Variants in ELOA observed in about 807,000 individuals in gnomAD.
ELOA encodes the protein elongin-A.
In ELOA, 15 loss-of-function variants were observed where a neutral mutation model predicts 85.2. The ratio of observed to expected loss-of-function variants is 0.18; its 90% CI spans 0.12 to 0.27. ELOA has a LOEUF of 0.27. ELOA is among the 10% of genes least tolerant of loss of function. The pLI, the probability that ELOA is intolerant of heterozygous loss-of-function variation, is 1.00. For synonymous variants in ELOA, 348 were observed against 357.2 expected, an observed-to-expected ratio of 0.97 and a Z score of 0.29; for missense variants, 769 against 952.7, an observed-to-expected ratio of 0.81 and a Z score of 2.54.
chr1:23,750,705 A>G, intron 3 of ELOA, 140 bp from the exon 4 acceptor site: 1 of 800,676 alleles, frequency 1.2e-6, no homozygotes, highest in South Asian at 2.8e-5. Flanking sequence ...ATCTTTAAGC[A>G]TAACCTACTT....
rs537544411 is a variant in ELOA at position 23,756,448 on chromosome 1, C to A, written c.2084+63C>A. 62 of 1,441,106 alleles carry A rather than the reference C, an allele frequency of 4.3e-5. No individual in the cohort carries two copies. The South Asian group carries it at 6.9e-4, about 16-fold the overall frequency. 89.3% of individuals were successfully genotyped at this position (1,441,106 alleles called of 1,614,324 possible). On this transcript the variant is annotated intron_variant, in intron 9 of 10. Transcript: ENST00000613537. Reference sequence around the variant, plus strand: ...CAACCCTTAGAGGTAGCCATAGCGGCAGGAAGCAAATTGCTTTTGGTGAAA... The same window carrying A: ...CAACCCTTAGAGGTAGCCATAGCGGAAGGAAGCAAATTGCTTTTGGTGAAA...
intron 1 of ELOA, among the ~76,000 whole-genome samples, chr1:23,747,459 C>A (rs553170799): frequency 6.6e-6 from 1 of 152,270 alleles, no homozygotes; most frequent in African/African-American, 2.4e-5. Flanking sequence ...AATGAGGTAA[C>A]GTGTAAGAGC....
In ELOA at chr1:23,754,395, G is replaced by A; in HGVS notation, c.1726G>A (p.Val576Ile). 6.2e-7 allele frequency: 1 copy of A among 1,614,180 alleles called. No homozygotes were observed. Residue 576 changes from valine to isoleucine, a missense_variant, in exon 7 of 11, where the codon GTT becomes ATT. By Grantham distance (29) the Val-to-Ile change is conservative. Transcript: ENST00000613537. The stretch of plus-strand genomic sequence containing the variant: ...TGAAGTGGGAGGAGTCCCATACTCT[G>A]TTCTTGAACCCGTTTTGGAGAGGTG... ...IFEVGGVPYS[V>I]LEPVLERCTP...
rs543443375 is a variant in ELOA at position 23,758,132 on chromosome 1, A to C, written c.2257+1007A>C. Among the ~76,000 whole-genome samples the C allele has an allele frequency of 2.8e-4, 43 of 151,850 alleles. 1 individual carries two copies. In the East Asian group the frequency reaches 4.8e-3, roughly 17 times the overall value. ...AACTGACTTCTCTAGGCAATACCAC[A>C]GTGTTCATAATTACTAATATTAACA... On this transcript the variant is annotated intron_variant, in intron 10 of 10. Coordinates refer to ENST00000613537, the MANE Select transcript of ELOA (RefSeq NM_003198.3).
Position 23,743,592 on chromosome 1 carries a change from CGGCGCGTAGCG to C in ELOA, c.75+17_75+27del. On this transcript the variant is annotated intron_variant, in intron 1 of 10. Coordinates refer to ENST00000613537, the MANE Select transcript of ELOA (RefSeq NM_003198.3). ...GACCCTAAGAAGGTAAGCGAGGGGG[CGGCGCGTAGCG>C]GGATGGGCGTTGGGTCGGTGAGGGC... The C allele has an allele frequency of 6.8e-7, 1 of 1,475,258 alleles. No individual in the cohort carries two copies. Among genetic ancestry groups the C allele is most frequent in the Non-Finnish European group, 9.0e-7 (1 of 1,116,534 alleles). 91.4% of individuals were successfully genotyped at this position (1,475,258 alleles called of 1,614,324 possible). A position where few individuals can be genotyped will look rare whatever the true frequency, so the allele number is the denominator to read the frequency against.
Position 23,751,161 on chromosome 1 carries a change from C to T in ELOA, c.556C>T (p.Pro186Ser), listed in dbSNP as rs1557453595. The change falls in exon 4 of 11, where the codon CCT (proline) becomes TCT (serine). Residue 186 changes from proline (P) to serine (S), a missense_variant. Around this residue, in one of 4 missense-constraint regions of ELOA, gnomAD observed 440 missense variants for 474.0 expected, o/e 0.93. Coordinates refer to ENST00000613537, the MANE Select transcript of ELOA (RefSeq NM_003198.3). ...TCAATCCCCTCCATCTTGTACCAGT[C>T]CTCATCAGATGTACGTCGACCACTA... ...HVQSPPSCTS[P>S]HQMYVDHYRS... 1 of 1,614,154 alleles carries T rather than the reference C, an allele frequency of 6.2e-7. No individual in the cohort carries two copies. Among genetic ancestry groups the T allele is most frequent in the East Asian group, 2.2e-5 (1 of 44,890 alleles).
At chr1:23,756,186 T>A in intron 8 of ELOA, 88 bp from the exon 9 acceptor site, 1 of 1,434,506 alleles carries the variant, frequency 7.0e-7, no homozygotes, top group Non-Finnish European at 9.3e-7. Flanking sequence ...AAGTGGGGTT[T>A]CAGGGCACTC....
intron 10 of ELOA, among the ~76,000 whole-genome samples, chr1:23,757,811 G>GAAA (rs575030502): frequency 2.8e-5 from 3 of 108,448 alleles, no homozygotes; most frequent in South Asian, 3.0e-4. Flanking sequence ...CCTGTCTCTG[G>GAAA]AAAAAAAAAA....
At chr1:23,743,726 C>G (rs979793981) in intron 1 of ELOA, 148 bp downstream of exon 1, 1 of 1,014,750 alleles carries the variant, frequency 9.9e-7, no homozygotes, top group Non-Finnish European at 1.3e-6. Context: ...GGCCATTGAC[C>G]GCTGCCCGCG....
At chr1:23,750,567 CAAATT>C (rs905652263) in intron 3 of ELOA, among the ~76,000 whole-genome samples, 63 of 152,250 alleles carry the variant, frequency 4.1e-4, no homozygotes, top group African/African-American at 1.3e-3. Flanking sequence ...TTTTATATAA[CAAATT>C]AAACATGTCC....
intron 9 of ELOA, 91 bp downstream of exon 9, chr1:23,756,476 G>A (rs1644795300): frequency 1.7e-6 from 2 of 1,156,380 alleles, no homozygotes; most frequent in African/African-American, 3.1e-5. Flanking sequence ...TGGTGAAAGT[G>A]AGGCAGTGCA....
At chr1:23,749,135 AGAGT>A in intron 2 of ELOA, 58 bp downstream of exon 2, 1 of 1,430,514 alleles carries the variant, frequency 7.0e-7, no homozygotes, top group South Asian at 1.2e-5. Flanking sequence ...TTCTCACTGG[AGAGT>A]GTGTAGAATA....
At chr1:23,759,460 G>A (rs1258074740) in intron 10 of ELOA, 52 bp from the exon 11 acceptor site, 5 of 1,587,112 alleles carry the variant, frequency 3.2e-6, no homozygotes, top group African/African-American at 2.7e-5. Flanking sequence ...TACTGGGGGT[G>A]TGTCTAAGCC....
At chr1:23,756,067 G>T (rs761437404) in intron 8 of ELOA, 44 bp downstream of exon 8, 1 of 1,597,964 alleles carries the variant, frequency 6.3e-7, no homozygotes, top group South Asian at 1.1e-5. Context: ...CAGGATGAGT[G>T]TTCTGGTCAA....
chr1:23,745,525 T>G (rs776829006), intron 1 of ELOA, among the ~76,000 whole-genome samples: 1 of 152,132 alleles, frequency 6.6e-6, no homozygotes, highest in Non-Finnish European at 1.5e-5. Context: ...TTTTTTTTTT[T>G]TTGAGGATTT....
At chr1:23,753,976 G>T in intron 5 of ELOA, 124 bp from the exon 6 acceptor site, 2 of 1,212,318 alleles carry the variant, frequency 1.6e-6, no homozygotes, top group Non-Finnish European at 1.1e-6. Context: ...AAATTCTCTG[G>T]AAGGATCTAC....
chr1:23,753,335 G>T (rs1644780656), intron 5 of ELOA, among the ~76,000 whole-genome samples: 1 of 152,132 alleles, frequency 6.6e-6, no homozygotes, highest in Non-Finnish European at 1.5e-5. Flanking sequence ...GAGTTATAAT[G>T]GTATCTGCCC....
rs1487904195 is a variant in ELOA at position 23,760,223 on chromosome 1, TACTA to T, written c.*654_*657del. ...TTCCTGTGCAGGTGCATCTCTTTCT[TACTA>T]ACTGGTATTTATTAAGGGAGGTGCT... On this transcript the variant is annotated 3_prime_UTR_variant, in exon 11 of 11. Transcript: ENST00000613537. 2 of 152,210 alleles carry T rather than the reference TACTA, an allele frequency of 1.3e-5. No individual in the cohort carries two copies. Among genetic ancestry groups the T allele is most frequent in the African/African-American group, 4.8e-5 (2 of 41,450 alleles). 9.4% of individuals were successfully genotyped at this position (152,210 alleles called of 1,614,324 possible).
At position 23,756,401 on chromosome 1, in the gene ELOA, T is replaced by C. The variant is rs1260456757; in HGVS notation, c.2084+16T>C. The C allele has an allele frequency of 1.9e-6, 3 of 1,552,970 alleles. No homozygotes were observed. In the South Asian group the frequency reaches 3.6e-5, roughly 18 times the overall value. ...AGAAAATCAAGTAAGATCTGTGTTC[T>C]TACCTGGCTTTTGTGTGCTATCAAC... On this transcript the variant is annotated intron_variant, in intron 9 of 10. Coordinates refer to ENST00000613537, the MANE Select transcript of ELOA (RefSeq NM_003198.3).
Sources: gnomAD v4.1 joint callset for allele counts (sites outside exome capture counted in the v4.1 genomes callset) on GRCh38, gnomAD v4.1.1 for gene constraint, gnomAD v4.1.1 regional missense constraint, MANE v1.5 for transcripts, NCBI Gene and HGNC (gene_info 2026-07-23, HGNC 2026-07-21) for gene names.